Variants in SV2C observed in about 807,000 individuals in gnomAD.
SV2C encodes synaptic vesicle glycoprotein 2C.
Under a neutral mutation model 79.7 loss-of-function variants are expected in SV2C, and 49 were observed. The ratio of observed to expected loss-of-function variants is 0.61; its 90% CI spans 0.49 to 0.78. The LOEUF is 0.78. SV2C is among the 30% of genes least tolerant of loss of function. The pLI, the probability that SV2C is intolerant of heterozygous loss-of-function variation, is 0.00. For synonymous variants in SV2C, 334 were observed against 333.2 expected, an observed-to-expected ratio of 1.00 and a Z score of -0.03; for missense variants, 833 against 912.9, an observed-to-expected ratio of 0.91 and a Z score of 1.13.
the SV2C span, among the ~76,000 whole-genome samples, chr5:75,982,148 T>A: frequency 6.7e-6 from 1 of 149,924 alleles, no homozygotes; most frequent in Admixed American, 6.7e-5. Flanking sequence ...AGTTAGTGGG[T>A]GCAGCGCACC....
intron 1 of SV2C, among the ~76,000 whole-genome samples, chr5:76,105,250 A>T (rs1747870320): frequency 6.6e-6 from 1 of 152,166 alleles, no homozygotes; most frequent in Non-Finnish European, 1.5e-5. Context: ...CAGAGGGAGC[A>T]TTGCCCTGCC....
chr5:76,304,422 C>G (rs1748117905), intron 12 of SV2C, among the ~76,000 whole-genome samples: 1 of 152,162 alleles, frequency 6.6e-6, no homozygotes, highest in South Asian at 2.1e-4. Context: ...AGGAAAATCC[C>G]AACCAGTTGA....
chr5:75,879,142 CTTCAACACCGGGAATTACAT>C, the SV2C span, among the ~76,000 whole-genome samples: 2 of 152,162 alleles, frequency 1.3e-5, no homozygotes, highest in Non-Finnish European at 2.9e-5. Flanking sequence ...AAGGCCCCAC[CTTCAACACCGGGAATTACAT>C]TTCAACATGA....
chr5:76,089,096 G>A (rs1747290567), intron 1 of SV2C, among the ~76,000 whole-genome samples: 1 of 152,132 alleles, frequency 6.6e-6, no homozygotes, highest in African/African-American at 2.4e-5. Flanking sequence ...CATGTGCCAT[G>A]GTGGTTTGCT....
chr5:76,176,383 AC>A lies in SV2C; in HGVS notation c.581-18535del, dbSNP rs1376366504. Among the ~76,000 whole-genome samples the A allele has an allele frequency of 2.0e-4, 31 of 152,310 alleles. No individual in the cohort carries two copies. In the East Asian group the frequency reaches 6.0e-3, roughly 29 times the overall value. The stretch of plus-strand genomic sequence containing the variant: ...CATATTGTAGGTGACATGCTCCAGG[AC>A]ACACAGAATTTATGTCCTTGTGCTC... On this transcript the variant is annotated intron_variant, in intron 2 of 12. Coordinates refer to ENST00000502798, the MANE Select transcript of SV2C (RefSeq NM_014979.4).
chr5:76,242,306 G>A, intron 4 of SV2C: 1 of 1,457,512 alleles, frequency 6.9e-7, no homozygotes, highest in Non-Finnish European at 9.5e-7. Context: ...GGTGGCGGCA[G>A]CGACGGCAGC....
chr5:76,163,434 T>C (rs1467564082), intron 2 of SV2C, among the ~76,000 whole-genome samples: 2 of 152,232 alleles, frequency 1.3e-5, no homozygotes, highest in African/African-American at 4.8e-5. Flanking sequence ...TATTTACGCA[T>C]TAAGCTTGCA....
chr5:75,911,409 A>G, the SV2C span: 2 of 1,088,560 alleles, frequency 1.8e-6, no homozygotes, highest in African/African-American at 1.6e-5. Flanking sequence ...GGACGTCAGC[A>G]CCCCCTAGTA....
chr5:76,267,974 C>A (rs1312081913), intron 4 of SV2C, among the ~76,000 whole-genome samples: 1 of 152,186 alleles, frequency 6.6e-6, no homozygotes, highest in African/African-American at 2.4e-5. Context: ...GGTCCCAGCC[C>A]AGCCCTCCTA....
intron 12 of SV2C, among the ~76,000 whole-genome samples, chr5:76,319,813 A>AT (rs1748767018): frequency 1.3e-5 from 2 of 152,276 alleles, no homozygotes; most frequent in Non-Finnish European, 2.9e-5. Context: ...AAATACGGTT[A>AT]TTTTAACCTA....
the SV2C span, among the ~76,000 whole-genome samples, chr5:75,879,207 T>G: frequency 3.9e-5 from 6 of 152,144 alleles, no homozygotes; most frequent in Admixed American, 3.9e-4. Flanking sequence ...ACCATATCAT[T>G]CTGCCCCAGG....
the SV2C span, among the ~76,000 whole-genome samples, chr5:75,968,267 G>A: frequency 2.0e-5 from 3 of 152,190 alleles, no homozygotes; most frequent in Non-Finnish European, 2.9e-5. Flanking sequence ...AAATCAGAGC[G>A]CTTCTCCTCC....
At chr5:76,247,899 T>G (rs909732159) in intron 4 of SV2C, among the ~76,000 whole-genome samples, 1 of 152,136 alleles carries the variant, frequency 6.6e-6, no homozygotes, top group African/African-American at 2.4e-5. Context: ...CATGCAAAAG[T>G]CAGCTCTCAG....
In SV2C at chr5:76,330,861, G is replaced by A. The variant is rs866826202; in HGVS notation, c.*5314G>A. On this transcript the variant is annotated 3_prime_UTR_variant, in exon 13 of 13. Coordinates refer to ENST00000502798, the MANE Select transcript of SV2C (RefSeq NM_014979.4). ...TCTAGAGCATTTTTTTTTTTTTTTT[G>A]GGCGGGGGGGCGGGGGACGGAGTCT... 1 of 22,534 alleles carries A rather than the reference G, an allele frequency of 4.4e-5. No individual in the cohort carries two copies. Among genetic ancestry groups the A allele is most frequent in the South Asian group, 1.1e-3 (1 of 946 alleles). The allele number at this position is 22,534 out of a possible 1,614,324, so 1.4% of individuals were successfully genotyped here. A position where few individuals can be genotyped will look rare whatever the true frequency, so the allele number is the denominator to read the frequency against.
chr5:75,914,018 T>C, the SV2C span, among the ~76,000 whole-genome samples: 1 of 152,202 alleles, frequency 6.6e-6, no homozygotes, highest in Non-Finnish European at 1.5e-5. Context: ...TACATGTACA[T>C]TTATTCACCC....
chr5:76,022,515 TC>T, the SV2C span, among the ~76,000 whole-genome samples: 1 of 152,204 alleles, frequency 6.6e-6, no homozygotes, highest in Non-Finnish European at 1.5e-5. Flanking sequence ...GGAAACTTCA[TC>T]TTCCTTCAGA....
intron 4 of SV2C, among the ~76,000 whole-genome samples, chr5:76,228,804 G>GT (rs1745329332): frequency 6.6e-6 from 1 of 152,108 alleles, no homozygotes; most frequent in Non-Finnish European, 1.5e-5. Context: ...TATTATCTAT[G>GT]TTTTACAGGT....
intron 4 of SV2C, among the ~76,000 whole-genome samples, chr5:76,255,222 G>T (rs1746228698): frequency 6.6e-6 from 1 of 152,184 alleles, no homozygotes; most frequent in Non-Finnish European, 1.5e-5. Flanking sequence ...TCCTGCCAGG[G>T]ATTTTTAAAA....
At chr5:76,223,192 T>C (rs1212203410) in intron 4 of SV2C, among the ~76,000 whole-genome samples, 1 of 151,816 alleles carries the variant, frequency 6.6e-6, no homozygotes, top group Non-Finnish European at 1.5e-5. Flanking sequence ...GTTTTAAAAA[T>C]TATCTTAGGC....
Sources: gnomAD v4.1 joint callset for allele counts (sites outside exome capture counted in the v4.1 genomes callset) on GRCh38, gnomAD v4.1.1 for gene constraint, MANE v1.5 for transcripts, NCBI Gene and HGNC (gene_info 2026-07-23, HGNC 2026-07-21) for gene names.